DVL2: variants seen among roughly 807,000 people sequenced by gnomAD.
DVL2 encodes the protein dishevelled segment polarity protein 2.
DVL2 carries 38 observed loss-of-function variants against 69.8 expected under a neutral mutation model. That is an observed-to-expected ratio of 0.54 (90% CI 0.42 to 0.71). The LOEUF is 0.71. Ranked by LOEUF, DVL2 falls within the 30% of genes least tolerant of loss-of-function variation. The pLI, the probability that DVL2 is intolerant of heterozygous loss-of-function variation, is 0.00. For synonymous variants in DVL2, 428 were observed against 392.4 expected (o/e 1.09, Z -1.07); for missense variants, 931 against 1,008.1 (o/e 0.92, Z 1.04).
chr17:7,229,237 C>T lies in DVL2; in HGVS notation c.855G>A (p.Gln285=), dbSNP rs222837. The T allele has an allele frequency of 0.54, 870,663 of 1,613,672 alleles. 240,096 individuals are homozygous for T. The highest frequency in any genetic ancestry group is 0.82 in the African/African-American group (61,093 of 74,940). The part of the protein sequence containing the change: ...YNFLGISIVG[Q]SNERGDGGIY... Reference sequence around the variant, plus strand: ...TGCCTCCGTCTCCCCGCTCATTGCTCTGGCCAACAATGGAGATACCCAGGA... The same window carrying T: ...TGCCTCCGTCTCCCCGCTCATTGCTTTGGCCAACAATGGAGATACCCAGGA... Residue 285 remains glutamine (Q), a synonymous_variant, in exon 8 of 15, where the codon CAG becomes CAA. Coordinates refer to ENST00000005340, the MANE Select transcript of DVL2 (RefSeq NM_004422.3). This position sits in a 1 kb window ranked among gnomAD's most constrained non-coding sequence, Gnocchi z 4.4.
In DVL2 at chr17:7,225,441, G is replaced by C. The variant is rs1385876856; in HGVS notation, c.*424C>G. The C allele has an allele frequency of 2.3e-6, 1 of 441,152 alleles. No homozygotes were observed. Among genetic ancestry groups the C allele is most frequent in the East Asian group, 4.8e-5 (1 of 20,956 alleles). 27.3% of individuals were successfully genotyped at this position (441,152 alleles called of 1,614,324 possible). The stretch of plus-strand genomic sequence containing the variant: ...TGGCCCAAATCTCCCAGCTTCCTCA[G>C]GCTGCTGTCTAGGATGCCTAACCCC... On this transcript the variant is annotated 3_prime_UTR_variant, in exon 15 of 15. Coordinates refer to ENST00000005340, the MANE Select transcript of DVL2 (RefSeq NM_004422.3).
Position 7,227,074 on chromosome 17 carries a change from G to C in DVL2, c.1543+16C>G, listed in dbSNP as rs1222828734. 6.3e-7 allele frequency: 1 copy of C among 1,596,220 alleles called. No individual in the cohort carries two copies. Among genetic ancestry groups the C allele is most frequent in the African/African-American group, 1.3e-5 (1 of 74,760 alleles). ...AGGCAAAGCCACACTCCCAGAGTTGGGGCAGGGGGACTTACAGCTCTCACA... is the reference window on the plus strand; with the variant it reads ...AGGCAAAGCCACACTCCCAGAGTTGCGGCAGGGGGACTTACAGCTCTCACA... On this transcript the variant is annotated intron_variant, in intron 13 of 14. Transcript: ENST00000005340.
chr17:7,231,191 C>A (rs1315813285), intron 1 of DVL2, among the ~76,000 whole-genome samples: 2 of 152,088 alleles, frequency 1.3e-5, no homozygotes, highest in African/African-American at 4.8e-5. Context: ...AGGTCAGGCA[C>A]GGTGGCTCAC....
chr17:7,231,881 A>C (rs2071548293), intron 1 of DVL2, among the ~76,000 whole-genome samples: 1 of 151,736 alleles, frequency 6.6e-6, no homozygotes, highest in African/African-American at 2.4e-5. Flanking sequence ...AAAAAAAAAA[A>C]ACCACCCATT....
chr17:7,229,320 G>C lies in DVL2; in HGVS notation c.818-46C>G. The C allele has an allele frequency of 6.2e-7, 1 of 1,613,140 alleles. No homozygotes were observed. The highest frequency in any genetic ancestry group is 8.5e-7 in the Non-Finnish European group (1 of 1,179,584). On this transcript the variant is annotated intron_variant, in intron 7 of 14. Transcript: ENST00000005340. The surrounding 1 kb of genome is among the most constrained non-coding windows in gnomAD (Gnocchi z 4.4). ...AAAAGAGGAGCCCCTGCCACAGGAC[G>C]CCCGGAACCCTAGAGACCAGGCCCT...
rs372681115 is a variant in DVL2, at chr17:7,226,104, G to A, written c.1972C>T (p.Leu658Phe). The A allele has an allele frequency of 3.1e-6, 5 of 1,595,964 alleles. No individual in the cohort carries two copies. The highest frequency in any genetic ancestry group is 2.7e-5 in the African/African-American group (2 of 74,402). ...GGATGGAGCCCTGGGTGGGCTCGGA[G>A]ATTAGGGGCACCCCCAGTTGAGCCT... is the stretch of plus-strand genomic sequence containing the variant. Reference protein sequence around the residue: ...SRGSTGGAPNLRAHPGLHPYG... With the variant: ...SRGSTGGAPNFRAHPGLHPYG... The change falls in exon 15 of 15, where the codon CTC becomes TTC. Residue 658 changes from leucine to phenylalanine, a missense_variant. Leu to Phe is a conservative substitution (Grantham distance 22). Coordinates refer to ENST00000005340, the MANE Select transcript of DVL2 (RefSeq NM_004422.3).
chr17:7,227,507 A>T lies in DVL2; in HGVS notation c.1260T>A (p.His420Gln). The change falls in exon 12 of 15, where the codon CAT becomes CAA. Residue 420 changes from histidine (H) to glutamine (Q), a missense_variant. By Grantham distance (24) the His-to-Gln change is conservative (BLOSUM62 0). Coordinates refer to ENST00000005340, the MANE Select transcript of DVL2 (RefSeq NM_004422.3). The stretch of plus-strand genomic sequence containing the variant: ...CCTTGGTCACCGATGCCATGTCCGT[A>T]TGGACGGAGAGACCCCGGCCTTCAC... ...DGCEGRGLSV[H>Q]TDMASVTKAM... The T allele has an allele frequency of 6.2e-7, 1 of 1,614,144 alleles. No homozygotes were observed. Among genetic ancestry groups the T allele is most frequent in the Non-Finnish European group, 8.5e-7 (1 of 1,180,002 alleles).
chr17:7,227,547 G>C lies in DVL2; in HGVS notation c.1232-12C>G, dbSNP rs1158831670. 6.2e-7 allele frequency: 1 copy of C among 1,613,684 alleles called. No homozygotes were observed. Among genetic ancestry groups the C allele is most frequent in the Non-Finnish European group, 8.5e-7 (1 of 1,179,610 alleles). On this transcript the variant is annotated splice_polypyrimidine_tract_variant and intron_variant, in intron 11 of 14. Transcript: ENST00000005340. ...CCGGCCTTCACAGCCTGGCAGAGGA[G>C]ACAACGGGTAACCAGAGTCAGGGAT... is the stretch of plus-strand genomic sequence containing the variant.
Position 7,234,443 on chromosome 17 carries a change from T to A in DVL2, c.-181A>T. ...TGGCGGCGGGGGGCGGGCCGCGGGG[T>A]GCGACTCAAAGCCCCGGTCTCAGCG... On this transcript the variant is annotated 5_prime_UTR_variant, in exon 1 of 15. Transcript: ENST00000005340. The A allele has an allele frequency of 1.4e-6, 1 of 716,056 alleles. No individual in the cohort carries two copies. Among genetic ancestry groups the A allele is most frequent in the Non-Finnish European group, 2.2e-6 (1 of 464,738 alleles). The allele number at this position is 716,056 out of a possible 1,614,324, so 44.4% of individuals were successfully genotyped here.
chr17:7,226,248 G>GCTC lies in DVL2; in HGVS notation c.1825_1827dup (p.Glu609dup), dbSNP rs770514562. ...CTGCCGGACTTGGACTCGGGGGCCCGCTCCTCGGGCCTCCCCGTGCGCCCT... is the reference window on the plus strand; with the variant it reads ...CTGCCGGACTTGGACTCGGGGGCCCGCTCCTCCTCGGGCCTCCCCGTGCGCCCT... On this transcript the variant is annotated inframe_insertion, in exon 15 of 15. Coordinates refer to ENST00000005340, the MANE Select transcript of DVL2 (RefSeq NM_004422.3). 1.9e-6 allele frequency: 3 copies of GCTC among 1,610,394 alleles called. No individual in the cohort carries two copies. In the African/African-American group the frequency reaches 4.0e-5, roughly 22 times the overall value.
At chr17:7,228,810 C>T in intron 9 of DVL2, 159 bp downstream of exon 9, 1 of 663,928 alleles carries the variant, frequency 1.5e-6, no homozygotes, top group Non-Finnish European at 2.6e-6. Context: ...TCGAACTCCT[C>T]ACCTCAGGTG....
In DVL2 at chr17:7,225,652, A is replaced by G; in HGVS notation, c.*213T>C. Reference sequence around the variant, plus strand: ...TTTTAACCCCCAAAAAGGCTTATAAAAAAACAAAGCTAAAAATAATCAAAG... The same window carrying G: ...TTTTAACCCCCAAAAAGGCTTATAAGAAAACAAAGCTAAAAATAATCAAAG... On this transcript the variant is annotated 3_prime_UTR_variant, in exon 15 of 15. Transcript: ENST00000005340. The G allele has an allele frequency of 1.8e-6, 1 of 566,348 alleles. No individual in the cohort carries two copies. The highest frequency in any genetic ancestry group is 3.1e-6 in the Non-Finnish European group (1 of 322,744). 35.1% of individuals were successfully genotyped at this position (566,348 alleles called of 1,614,324 possible). A position where few individuals can be genotyped will look rare whatever the true frequency, so the allele number is the denominator to read the frequency against.
In DVL2 at chr17:7,227,448, C is replaced by A; in HGVS notation, c.1319G>T (p.Arg440Leu). Reference protein sequence around the residue: ...MAAPESGLEVRDRMWLKITIP... With the variant: ...MAAPESGLEVLDRMWLKITIP... ...GGTGATCTTGAGCCACATGCGGTCC[C>A]GGACTTCCAGTCCAGACTCTGGAGC... The change falls in exon 12 of 15, where the codon CGG becomes CTG. Residue 440 changes from arginine (R) to leucine (L), a missense_variant. Around this residue, in one of 3 missense-constraint regions of DVL2, gnomAD observed 62 missense variants for 105.7 expected, o/e 0.59. Coordinates refer to ENST00000005340, the MANE Select transcript of DVL2 (RefSeq NM_004422.3). 1 of 1,614,222 alleles carries A rather than the reference C, an allele frequency of 6.2e-7. No homozygotes were observed. The highest frequency in any genetic ancestry group is 8.5e-7 in the Non-Finnish European group (1 of 1,180,046).
chr17:7,229,941 C>T lies in DVL2; in HGVS notation c.523G>A (p.Gly175Arg). ...GAGGGGCCACCAGTCCTGTGGCCCCCAGCTACATATGGACAGGAAGCTCAA... is the reference window on the plus strand; with the variant it reads ...GAGGGGCCACCAGTCCTGTGGCCCCTAGCTACATATGGACAGGAAGCTCAA... Reference protein sequence around the residue: ...RRRDSSEHGAGGHRTGGPSRL... With the variant: ...RRRDSSEHGARGHRTGGPSRL... Residue 175 changes from glycine (G) to arginine (R), a missense_variant and splice_region_variant, in exon 5 of 15, where the codon GGG becomes AGG. By Grantham distance (125) the Gly-to-Arg change is moderately radical. This residue lies in a region of DVL2 where 555 missense variants were observed against 588.8 expected (regional missense o/e 0.94). Coordinates refer to ENST00000005340, the MANE Select transcript of DVL2 (RefSeq NM_004422.3). This position sits in a 1 kb window ranked among gnomAD's most constrained non-coding sequence, Gnocchi z 4.4. The T allele has an allele frequency of 6.2e-7, 1 of 1,608,282 alleles. No individual in the cohort carries two copies. Among genetic ancestry groups the T allele is most frequent in the Non-Finnish European group, 8.5e-7 (1 of 1,179,794 alleles).
At chr17:7,230,251 C>G in intron 3 of DVL2, 34 bp downstream of exon 3, 1 of 1,613,572 alleles carries the variant, frequency 6.2e-7, no homozygotes, top group Non-Finnish European at 8.5e-7. Flanking sequence ...CTCCTCACCT[C>G]CCTCCCCTGC....
In DVL2 at chr17:7,229,257, C is replaced by T; in HGVS notation, c.835G>A (p.Gly279Ser). ...TLNMEKYNFL[G>S]ISIVGQSNER... is the part of the protein sequence containing the mutation. ...TTGCTCTGGCCAACAATGGAGATACCCAGGAAGTTGTACTTCTCTGTGGAG... is the reference window on the plus strand; with the variant it reads ...TTGCTCTGGCCAACAATGGAGATACTCAGGAAGTTGTACTTCTCTGTGGAG... The change falls in exon 8 of 15, where the codon GGT (glycine) becomes AGT (serine). Residue 279 changes from glycine (G) to serine (S), a missense_variant. By Grantham distance (56) the Gly-to-Ser change is moderately conservative. Coordinates refer to ENST00000005340, the MANE Select transcript of DVL2 (RefSeq NM_004422.3). The surrounding 1 kb of genome is among the most constrained non-coding windows in gnomAD (Gnocchi z 4.4). 1 of 1,614,090 alleles carries T rather than the reference C, an allele frequency of 6.2e-7. No individual in the cohort carries two copies. Among genetic ancestry groups the T allele is most frequent in the East Asian group, 2.2e-5 (1 of 44,886 alleles).
rs374951296 is a variant in DVL2 at position 7,230,339 on chromosome 17, G to A, written c.356C>T (p.Pro119Leu). ...ELAPPAPPLP[P>L]LPPERTSGIG... ...GCCGCTGGTCCTCTCGGGTGGCAAA[G>A]GAGGTAAAGGTGGGGCTGGAGGCGC... Residue 119 changes from proline (P) to leucine (L), a missense_variant, in exon 3 of 15, where the codon CCT (proline) becomes CTT (leucine). By Grantham distance (98) the Pro-to-Leu change is moderately conservative. Coordinates refer to ENST00000005340, the MANE Select transcript of DVL2 (RefSeq NM_004422.3). 1.7e-5 allele frequency: 28 copies of A among 1,614,082 alleles called. No homozygotes were observed. In the African/African-American group the frequency reaches 3.7e-4, roughly 22 times the overall value.
rs1338957290 is a variant in DVL2, at chr17:7,226,422, C to T, written c.1761G>A (p.Glu587=). The stretch of plus-strand genomic sequence containing the variant: ...TACAGGTATGTGGGGATGACTTACC[C>T]TCACTATGCTGGCTGCTGGCACTGC... ...GGGSASSQHS[E]GSRSSGSTRS... Residue 587 remains glutamate, a splice_region_variant and synonymous_variant, in exon 14 of 15, where the codon GAG becomes GAA. Coordinates refer to ENST00000005340, the MANE Select transcript of DVL2 (RefSeq NM_004422.3). 2.9e-5 allele frequency: 44 copies of T among 1,531,232 alleles called. No individual in the cohort carries two copies. The highest frequency in any genetic ancestry group is 3.8e-5 in the Non-Finnish European group (43 of 1,140,038). 94.9% of individuals were successfully genotyped at this position (1,531,232 alleles called of 1,614,324 possible). A position where few individuals can be genotyped will look rare whatever the true frequency, so the allele number is the denominator to read the frequency against.
rs765586973 is a variant in DVL2 at position 7,230,012 on chromosome 17, C to A, written c.520+34G>T. 3.1e-6 allele frequency: 5 copies of A among 1,612,170 alleles called. No individual in the cohort carries two copies. In the South Asian group the frequency reaches 5.5e-5, roughly 18 times the overall value. ...CACCCCACCAAGGCTGGGGTCTGGCCCAGCCCTTCCCGGCCCCCAGGCCTG... is the reference window on the plus strand; with the variant it reads ...CACCCCACCAAGGCTGGGGTCTGGCACAGCCCTTCCCGGCCCCCAGGCCTG... On this transcript the variant is annotated intron_variant, in intron 4 of 14. Coordinates refer to ENST00000005340, the MANE Select transcript of DVL2 (RefSeq NM_004422.3).
Sources: gnomAD v4.1 joint callset for allele counts (sites outside exome capture counted in the v4.1 genomes callset) on GRCh38, gnomAD v4.1.1 for gene constraint, gnomAD v4.1.1 regional missense constraint, Gnocchi (gnomAD v3.1) non-coding constraint, MANE v1.5 for transcripts, NCBI Gene and HGNC (gene_info 2026-07-23, HGNC 2026-07-21) for gene names.